The following EYS variants were observed in gnomAD, a reference collection of about 807,000 sequenced individuals.
The protein encoded by EYS is EGF-like photoreceptor maintenance factor.
A neutral mutation model predicts 282.1 loss-of-function variants in EYS; 250 were observed. The observed-to-expected ratio is 0.89, with a 90% CI of 0.80 to 0.98. The LOEUF is 0.98. EYS is among the 50% of genes least tolerant of loss of function. The pLI is 0.00. For synonymous variants in EYS, 1,355 were observed against 1,282.9 expected (o/e 1.06, Z -1.20); for missense variants, 4,016 against 3,709.0 (o/e 1.08, Z -2.15).
chr6:65,604,133 A>C (rs1387793), intron 2 of EYS, among the ~76,000 whole-genome samples: 54,099 of 151,780 alleles, frequency 0.36, 12,076 homozygotes, highest in Non-Finnish European at 0.49. Context: ...GTTTTCTCTT[A>C]CATAGTTTGG....
intron 26 of EYS, among the ~76,000 whole-genome samples, chr6:64,574,295 G>T (rs1339200573): frequency 6.6e-6 from 1 of 152,066 alleles, no homozygotes; most frequent in Admixed American, 6.6e-5. Flanking sequence ...GGCAAGGGGA[G>T]GGATATCATT....
At chr6:64,431,899 A>T (rs566118308) in intron 28 of EYS, among the ~76,000 whole-genome samples, 1 of 152,258 alleles carries the variant, frequency 6.6e-6, no homozygotes, top group African/African-American at 2.4e-5. Context: ...CACTTGAGAA[A>T]ATATCTGCCA....
chr6:63,923,878 C>A (rs1764642104), intron 35 of EYS, among the ~76,000 whole-genome samples: 1 of 152,126 alleles, frequency 6.6e-6, no homozygotes, highest in Non-Finnish European at 1.5e-5. Flanking sequence ...GTAAGCCTAA[C>A]CTTTACTCTC....
At chr6:65,072,089 A>AT (rs1234996008) in intron 12 of EYS, among the ~76,000 whole-genome samples, 1 of 151,794 alleles carries the variant, frequency 6.6e-6, no homozygotes, top group Non-Finnish European at 1.5e-5. Context: ...GCTCCGAAGG[A>AT]TTTTGTCTGC....
chr6:65,517,845 A>C (rs1767201389), intron 2 of EYS, among the ~76,000 whole-genome samples: 1 of 152,094 alleles, frequency 6.6e-6, no homozygotes, highest in Non-Finnish European at 1.5e-5. Flanking sequence ...TTCACATGTA[A>C]GTTTGAGGCA....
chr6:65,166,399 A>G lies in EYS; in HGVS notation c.2024-108672T>C, dbSNP rs79811175. Among the ~76,000 whole-genome samples, 1,208 of 151,330 alleles carry G rather than the reference A, an allele frequency of 8.0e-3. 10 individuals carry two copies. Among genetic ancestry groups the G allele is most frequent in the African/African-American group, 0.026 (1,092 of 41,442 alleles). ...TAAATGTAGTTATAAAAGATCCATG[A>G]TGGAATTGTGAATCCAGTTATATTT... On this transcript the variant is annotated intron_variant, in intron 12 of 42. Transcript: ENST00000503581.
At chr6:65,649,785 C>T (rs1767588023) in intron 1 of EYS, among the ~76,000 whole-genome samples, 1 of 152,142 alleles carries the variant, frequency 6.6e-6, no homozygotes, top group African/African-American at 2.4e-5. Context: ...TTGAGCCCCA[C>T]ATTTCTGTCA....
At chr6:64,763,038 T>A (rs1773211847) in intron 22 of EYS, among the ~76,000 whole-genome samples, 1 of 152,218 alleles carries the variant, frequency 6.6e-6, no homozygotes, top group Admixed American at 6.5e-5. Flanking sequence ...GAACACAATA[T>A]AAAACAGGGT....
At chr6:64,495,076 G>C (rs958203865) in intron 26 of EYS, among the ~76,000 whole-genome samples, 7 of 151,566 alleles carry the variant, frequency 4.6e-5, no homozygotes, top group African/African-American at 1.7e-4. Context: ...AAGTAGCCAA[G>C]CCTACTTCTC....
intron 11 of EYS, chr6:65,332,054 T>C (rs1306033074): frequency 3.8e-6 from 1 of 261,912 alleles, no homozygotes; most frequent in Non-Finnish European, 7.3e-6. Context: ...TATCTCATTG[T>C]TTTGATTTAA....
intron 19 of EYS, among the ~76,000 whole-genome samples, chr6:64,865,979 T>A (rs911568028): frequency 6.6e-6 from 1 of 152,036 alleles, no homozygotes; most frequent in African/African-American, 2.4e-5. Context: ...TCAGAAATTT[T>A]AAAAAATTAA....
intron 14 of EYS, among the ~76,000 whole-genome samples, chr6:64,975,724 C>T (rs926821336): frequency 6.6e-6 from 1 of 151,736 alleles, no homozygotes; most frequent in African/African-American, 2.4e-5. Context: ...TCCTAAAAAT[C>T]CCTTCTTTTG....
At chr6:64,324,873 A>G (rs928325534) in intron 29 of EYS, among the ~76,000 whole-genome samples, 6 of 152,218 alleles carry the variant, frequency 3.9e-5, no homozygotes, top group African/African-American at 1.2e-4. Flanking sequence ...CAGTAACCAC[A>G]AAGAAAATGA....
intron 12 of EYS, among the ~76,000 whole-genome samples, chr6:65,095,900 G>T (rs183832486): frequency 2.3e-4 from 34 of 151,084 alleles, no homozygotes; most frequent in African/African-American, 7.7e-4. Context: ...GGTGAGAATC[G>T]CACTCTCACA....
chr6:65,539,118 A>AAT (rs1383893057), intron 2 of EYS, among the ~76,000 whole-genome samples: 2 of 152,220 alleles, frequency 1.3e-5, no homozygotes, highest in African/African-American at 4.8e-5. Flanking sequence ...CAGATTAAAG[A>AAT]ATATCTAACT....
intron 35 of EYS, among the ~76,000 whole-genome samples, chr6:63,911,516 C>T (rs1030892333): frequency 6.6e-6 from 1 of 152,148 alleles, no homozygotes; most frequent in African/African-American, 2.4e-5. Flanking sequence ...GGGTTTTATT[C>T]ATATTATTTT....
At position 64,329,135 on chromosome 6, in the gene EYS, C is replaced by A. The variant is rs547440984; in HGVS notation, c.6079-22053G>T. Among the ~76,000 whole-genome samples the A allele has an allele frequency of 1.3e-4, 20 of 152,086 alleles. No individual in the cohort carries two copies. The South Asian group carries it at 4.2e-3, about 32-fold the overall frequency. On this transcript the variant is annotated intron_variant, in intron 29 of 42. Transcript: ENST00000503581. ...CTATGGTCTCAATGGAGGTAGGAGG[C>A]TGGAAAAAGGACTTTATGGTCCATA...
At chr6:64,105,619 A>G (rs1772984249) in intron 31 of EYS, among the ~76,000 whole-genome samples, 1 of 152,078 alleles carries the variant, frequency 6.6e-6, no homozygotes, top group African/African-American at 2.4e-5. Context: ...TCCCCTGGCA[A>G]CCACTAATCT....
intron 8 of EYS, among the ~76,000 whole-genome samples, chr6:65,365,252 C>A (rs745487368): frequency 2.0e-5 from 3 of 151,722 alleles, no homozygotes; most frequent in Non-Finnish European, 4.4e-5. Context: ...ACAAAAAACT[C>A]ACTCATATTT....
Sources: gnomAD v4.1 joint callset for allele counts (sites outside exome capture counted in the v4.1 genomes callset) on GRCh38, gnomAD v4.1.1 for gene constraint, MANE v1.5 for transcripts, NCBI Gene and HGNC (gene_info 2026-07-23, HGNC 2026-07-21) for gene names.